GRM1: variants seen among roughly 807,000 people sequenced by gnomAD.
GRM1 encodes metabotropic glutamate receptor 1.
Under a neutral mutation model 90.9 loss-of-function variants are expected in GRM1, and 33 were observed. The observed-to-expected ratio is 0.36, with a 90% CI of 0.28 to 0.49. The LOEUF (loss-of-function observed/expected upper bound fraction) is 0.49. GRM1 is among the 20% of genes least tolerant of loss of function. The pLI is 0.99. For synonymous variants in GRM1, 700 were observed against 613.2 expected (o/e 1.14, Z -2.09); for missense variants, 1,190 against 1,534.3 (o/e 0.78, Z 3.75).
rs1206596762 is a variant in GRM1, at chr6:146,140,157, C to CTCCT, written c.701-19172_701-19169dup. Reference sequence around the variant, plus strand: ...TCTTTCTTTCCTTCCTTCCTTCTTTCTCCTTCCTTCCTTCCTTCCTTCTTT... The same window carrying CTCCT: ...TCTTTCTTTCCTTCCTTCCTTCTTTCTCCTTCCTTCCTTCCTTCCTTCCTTCTTT... On this transcript the variant is annotated intron_variant, in intron 1 of 7. Transcript: ENST00000282753. Among the ~76,000 whole-genome samples, 150 of 110,294 alleles carry CTCCT rather than the reference C, an allele frequency of 1.4e-3. 1 individual carries two copies. Among genetic ancestry groups the CTCCT allele is most frequent in the Non-Finnish European group, 2.1e-3 (112 of 53,128 alleles). The allele number at this position is 110,294 out of a possible 152,430, so 72.4% of individuals were successfully genotyped here.
intron 1 of GRM1, among the ~76,000 whole-genome samples, chr6:146,034,557 A>C (rs893194208): frequency 3.9e-5 from 6 of 151,992 alleles, no homozygotes; most frequent in African/African-American, 1.4e-4. Context: ...TATTAGCTTC[A>C]ATCTGCCTTT....
At chr6:146,087,222 TG>T (rs1298244044) in intron 1 of GRM1, among the ~76,000 whole-genome samples, 1 of 152,164 alleles carries the variant, frequency 6.6e-6, no homozygotes, top group East Asian at 1.9e-4. Context: ...AAGCCTCTCC[TG>T]TGTCTTAATT....
At chr6:146,208,657 A>C (rs1462622558) in intron 2 of GRM1, among the ~76,000 whole-genome samples, 1 of 152,140 alleles carries the variant, frequency 6.6e-6, no homozygotes, top group East Asian at 1.9e-4. Flanking sequence ...TTTGAATTTC[A>C]CATATATACG....
chr6:146,180,772 T>C (rs1475816932), intron 2 of GRM1, among the ~76,000 whole-genome samples: 3 of 152,208 alleles, frequency 2.0e-5, no homozygotes, highest in Non-Finnish European at 4.4e-5. Context: ...ACCCACAGCC[T>C]GGTTTTACTT....
intron 2 of GRM1, among the ~76,000 whole-genome samples, chr6:146,191,653 T>G (rs1241344296): frequency 6.6e-6 from 1 of 152,204 alleles, no homozygotes; most frequent in Non-Finnish European, 1.5e-5. Flanking sequence ...CTGTTTTCTA[T>G]CTTGTTTCTT....
At chr6:146,299,962 G>A (rs1783314621) in intron 2 of GRM1, among the ~76,000 whole-genome samples, 2 of 152,132 alleles carry the variant, frequency 1.3e-5, no homozygotes, top group Admixed American at 1.3e-4. Flanking sequence ...TTATTCATTT[G>A]ATAAATGTCA....
intron 1 of GRM1, among the ~76,000 whole-genome samples, chr6:146,088,734 C>A (rs1333246588): frequency 1.3e-5 from 2 of 152,092 alleles, no homozygotes; most frequent in East Asian, 1.9e-4. Context: ...ATCCACCTAT[C>A]TATAAGCAGG....
At position 146,350,814 on chromosome 6, in the gene GRM1, T is replaced by G. The variant is rs375635644; in HGVS notation, c.1187-1436T>G. On this transcript the variant is annotated intron_variant, in intron 3 of 7. Transcript: ENST00000282753. ...TACTCCTCATTTCCTCTTGGAAAAT[T>G]TCCTTTAAATCAGGAAAATATTGCT... is the stretch of plus-strand genomic sequence containing the variant. Among the ~76,000 whole-genome samples, 4 of 152,378 alleles carry G rather than the reference T, an allele frequency of 2.6e-5. 1 individual carries two copies. Among genetic ancestry groups the G allele is most frequent in the African/African-American group, 9.6e-5 (4 of 41,604 alleles).
intron 6 of GRM1, among the ~76,000 whole-genome samples, chr6:146,396,486 A>G (rs1226985974): frequency 6.6e-6 from 1 of 152,200 alleles, no homozygotes; most frequent in Non-Finnish European, 1.5e-5. Flanking sequence ...GGAGCTCCAA[A>G]CATTAGCACT....
At chr6:146,259,770 A>G (rs1347884765) in intron 2 of GRM1, among the ~76,000 whole-genome samples, 1 of 152,058 alleles carries the variant, frequency 6.6e-6, no homozygotes, top group East Asian at 1.9e-4. Flanking sequence ...CATGGCATAC[A>G]CTATCTCTTT....
At chr6:146,232,190 G>A (rs1780472731) in intron 2 of GRM1, among the ~76,000 whole-genome samples, 1 of 152,050 alleles carries the variant, frequency 6.6e-6, no homozygotes, top group Non-Finnish European at 1.5e-5. Context: ...CCACACACTC[G>A]TGGATTAAGC....
At position 146,336,818 on chromosome 6, in the gene GRM1, G is replaced by A. The variant is rs1298777568; in HGVS notation, c.1187-15432G>A. 3.9e-5 allele frequency among the ~76,000 whole-genome samples: 6 copies of A among 152,176 alleles called. No individual in the cohort carries two copies. The East Asian group carries it at 9.7e-4, about 24-fold the overall frequency. ...TGTATATTTTTGTGCCTGAGTCCCT[G>A]TCTTGGTAGCTTCTATGATACCACA... On this transcript the variant is annotated intron_variant, in intron 3 of 7. Transcript: ENST00000282753.
chr6:146,096,275 TCTTAAA>T (rs1161292684), intron 1 of GRM1, among the ~76,000 whole-genome samples: 1 of 152,176 alleles, frequency 6.6e-6, no homozygotes, highest in Non-Finnish European at 1.5e-5. Context: ...TCACCATTCT[TCTTAAA>T]CTGTTATTTC....
chr6:146,077,975 A>G (rs1462906126), intron 1 of GRM1, among the ~76,000 whole-genome samples: 1 of 152,208 alleles, frequency 6.6e-6, no homozygotes, highest in Non-Finnish European at 1.5e-5. Flanking sequence ...GGAAATGTAG[A>G]CAGCCCGATA....
At chr6:146,302,765 G>A (rs907799907) in intron 2 of GRM1, among the ~76,000 whole-genome samples, 3 of 151,958 alleles carry the variant, frequency 2.0e-5, no homozygotes, top group South Asian at 2.1e-4. Context: ...AGGATAGTGA[G>A]TCTTATTCTC....
At chr6:146,144,642 C>G (rs1777021043) in intron 1 of GRM1, among the ~76,000 whole-genome samples, 2 of 152,062 alleles carry the variant, frequency 1.3e-5, no homozygotes, top group African/African-American at 2.4e-5. Flanking sequence ...AAATTGGCAC[C>G]AGGAGTGGGG....
rs537325378 is a variant in GRM1, at chr6:146,253,383, G to A, written c.951-51228G>A. On this transcript the variant is annotated intron_variant, in intron 2 of 7. Coordinates refer to ENST00000282753, the MANE Select transcript of GRM1 (RefSeq NM_001278064.2). ...AATGATTTTCTGTGAATATGTGCGT[G>A]TTTTGGGGGGAGATTTAGAGGAGTG... Among the ~76,000 whole-genome samples the A allele has an allele frequency of 2.0e-5, 3 of 152,240 alleles. No homozygotes were observed. The East Asian group carries it at 5.8e-4, about 29-fold the overall frequency.
intron 1 of GRM1, among the ~76,000 whole-genome samples, chr6:146,092,290 T>C (rs185517856): frequency 6.6e-6 from 1 of 152,124 alleles, no homozygotes; most frequent in East Asian, 1.9e-4. Context: ...ACTAATTCCA[T>C]GAAAGGATTT....
At chr6:146,185,776 A>G (rs1200612780) in intron 2 of GRM1, among the ~76,000 whole-genome samples, 1 of 152,110 alleles carries the variant, frequency 6.6e-6, no homozygotes, top group Non-Finnish European at 1.5e-5. Flanking sequence ...GGACAGCTAT[A>G]TTCTGTAATT....
Sources: allele counts gnomAD v4.1 joint callset (sites outside exome capture counted in the v4.1 genomes callset), GRCh38; gene constraint gnomAD v4.1.1; transcripts MANE v1.5; gene names NCBI Gene and HGNC (gene_info 2026-07-23, HGNC 2026-07-21).